The following ERV3-1 variants were observed in gnomAD, a reference collection of about 807,000 sequenced individuals.
ERV3-1 encodes the protein endogenous retrovirus group 3 member 1, envelope, also known as endogenous retrovirus group 3 member 1 Env polyprotein.
ERV3-1 carries 36 observed loss-of-function variants against 24.6 expected under a neutral mutation model. The observed-to-expected ratio is 1.47, with a 90% CI of 1.12 to 1.94. The LOEUF (loss-of-function observed/expected upper bound fraction) is 1.94, where lower values mean the gene tolerates loss of function less well. ERV3-1 is among the 30% of genes most tolerant of loss of function. The pLI is 0.00. For missense variants in ERV3-1, 578 were observed against 330.9 expected, an observed-to-expected ratio of 1.75 and a Z score of -5.79; for synonymous variants, 211 against 122.6, an observed-to-expected ratio of 1.72 and a Z score of -4.76.
At position 64,992,900 on chromosome 7, in the gene ERV3-1, T is replaced by C. The variant is rs1786312003; in HGVS notation, c.127A>G (p.Lys43Glu). Reference protein sequence around the residue: ...HTTWSGNIMTKTLLYHTYYEC... With the variant: ...HTTWSGNIMTETLLYHTYYEC... ...TAATAAGTGTGATACAACAGGGTTT[T>C]AGTCATGATGTTCCCCGACCACGTA... is the stretch of plus-strand genomic sequence containing the variant. Residue 43 changes from lysine (K) to glutamate (E), a missense_variant, in exon 2 of 2, where the codon AAA (lysine) becomes GAA (glutamate). By Grantham distance (56) the Lys-to-Glu change is moderately conservative. Transcript: ENST00000394323. 1 of 766,282 alleles carries C rather than the reference T, an allele frequency of 1.3e-6. No individual in the cohort carries two copies. Among genetic ancestry groups the C allele is most frequent in the Non-Finnish European group, 2.4e-6 (1 of 417,916 alleles). 47.5% of individuals were successfully genotyped at this position (766,282 alleles called of 1,614,324 possible). A position where few individuals can be genotyped will look rare whatever the true frequency, so the allele number is the denominator to read the frequency against.
intron 1 of ERV3-1, among the ~76,000 whole-genome samples, chr7:65,001,924 T>C (rs1342103644): frequency 6.6e-6 from 1 of 152,180 alleles, no homozygotes; most frequent in Non-Finnish European, 1.5e-5. Flanking sequence ...CCATCTATGC[T>C]TTTGAGCTAC....
rs1224526094 is a variant in ERV3-1 at position 64,990,477 on chromosome 7, G to C, written c.*735C>G. 1.1e-5 allele frequency: 2 copies of C among 180,270 alleles called. No individual in the cohort carries two copies. Among genetic ancestry groups the C allele is most frequent in the Non-Finnish European group, 2.3e-5 (2 of 85,814 alleles). 11.2% of individuals were successfully genotyped at this position (180,270 alleles called of 1,614,324 possible). ...ACATGCATCAGGCAGGGGCAAGTCG[G>C]GTTTTTGGCGCAAAACCTGCGAGGT... On this transcript the variant is annotated 3_prime_UTR_variant, in exon 2 of 2. Transcript: ENST00000394323.
At position 64,991,652 on chromosome 7, in the gene ERV3-1, A is replaced by G. The variant is rs758450516; in HGVS notation, c.1375T>C (p.Tyr459His). 3 of 708,670 alleles carry G rather than the reference A, an allele frequency of 4.2e-6. No individual in the cohort carries two copies. The South Asian group carries it at 4.4e-5, about 10-fold the overall frequency. 43.9% of individuals were successfully genotyped at this position (708,670 alleles called of 1,614,324 possible). Reference sequence around the variant, plus strand: ...CTTTTAGTTTCATCATAGATGGGGTATCCTAAGGCTTCTCCCTGTTTTAGG... The same window carrying G: ...CTTTTAGTTTCATCATAGATGGGGTGTCCTAAGGCTTCTCCCTGTTTTAGG... The part of the protein sequence containing the change: ...MPLKQGEALG[Y>H]PIYDETKRKS... The change falls in exon 2 of 2, where the codon TAC (tyrosine) becomes CAC (histidine). Residue 459 changes from tyrosine to histidine, a missense_variant. By Grantham distance (83) the Tyr-to-His change is moderately conservative. Transcript: ENST00000394323.
rs767897744 is a variant in ERV3-1 at position 64,992,532 on chromosome 7, G to A, written c.495C>T (p.Cys165=). The change falls in exon 2 of 2, where the codon TGC becomes TGT. Residue 165 remains cysteine (C), a synonymous_variant. Coordinates refer to ENST00000394323, the MANE Select transcript of ERV3-1 (RefSeq NM_001007253.4). ...ACSTDSPVTT[C]WDCTTWSTNQ... ...TAGTGGACCACGTTGTGCAGTCCCA[G>A]CAAGTTGTTACTGGGGAATCGGTGG... 6.5e-6 allele frequency: 5 copies of A among 766,388 alleles called. No homozygotes were observed. Among genetic ancestry groups the A allele is most frequent in the Non-Finnish European group, 1.2e-5 (5 of 417,914 alleles). The allele number at this position is 766,388 out of a possible 1,614,324, so 47.5% of individuals were successfully genotyped here.
intron 1 of ERV3-1, among the ~76,000 whole-genome samples, chr7:65,003,028 T>TC (rs1490739058): frequency 1.3e-5 from 2 of 152,214 alleles, no homozygotes; most frequent in Non-Finnish European, 2.9e-5. Flanking sequence ...AGTAAGACCC[T>TC]CCCAGTCCCA....
At chr7:65,001,823 A>AC (rs1229731135) in intron 1 of ERV3-1, among the ~76,000 whole-genome samples, 1 of 152,092 alleles carries the variant, frequency 6.6e-6, no homozygotes, top group South Asian at 2.1e-4. Context: ...TTGAATTATG[A>AC]CCCCACTTAA....
intron 1 of ERV3-1, among the ~76,000 whole-genome samples, chr7:64,998,941 T>C (rs112296446): frequency 0.014 from 2,088 of 152,268 alleles, 39 homozygotes; most frequent in African/African-American, 0.047. Flanking sequence ...ACTTCCAGTT[T>C]CCTTTCTTAA....
chr7:65,001,042 G>A (rs1213684293), intron 1 of ERV3-1, among the ~76,000 whole-genome samples: 3 of 152,162 alleles, frequency 2.0e-5, no homozygotes, highest in Non-Finnish European at 4.4e-5. Flanking sequence ...AGTTTAGGGT[G>A]GAGGGTGAAA....
chr7:64,992,128 A>G lies in ERV3-1; in HGVS notation c.899T>C (p.Met300Thr), dbSNP rs1459293825. The G allele has an allele frequency of 1.3e-6, 1 of 766,362 alleles. No individual in the cohort carries two copies. The highest frequency in any genetic ancestry group is 2.4e-6 in the Non-Finnish European group (1 of 417,906). The allele number at this position is 766,362 out of a possible 1,614,324, so 47.5% of individuals were successfully genotyped here. A position where few individuals can be genotyped will look rare whatever the true frequency, so the allele number is the denominator to read the frequency against. Residue 300 changes from methionine to threonine, a missense_variant, in exon 2 of 2, where the codon ATG (methionine) becomes ACG (threonine). By Grantham distance (81) the Met-to-Thr change is moderately conservative. Transcript: ENST00000394323. ...ASCYVCGGMN[M>T]GDQWPWEARE... ...TGCTTCCCATGGCCATTGGTCTCCC[A>G]TGTTCATTCCCCCACAGACATAACA...
In ERV3-1 at chr7:64,992,980, G is replaced by A. The variant is rs2129122488; in HGVS notation, c.47C>T (p.Pro16Leu). Reference protein sequence around the residue: ...MLLITLFLLLPLSMLKGEPWE... With the variant: ...MLLITLFLLLLLSMLKGEPWE... ...GGGTTCTCCTTTTAACATGGATAAG[G>A]GGAGTAGCAAGAACAAAGTGATGAG... Residue 16 changes from proline (P) to leucine (L), a missense_variant, in exon 2 of 2, where the codon CCC becomes CTC. Pro to Leu is a moderately conservative substitution (Grantham distance 98). Transcript: ENST00000394323. 1.3e-6 allele frequency: 1 copy of A among 765,850 alleles called. No homozygotes were observed. Among genetic ancestry groups the A allele is most frequent in the Non-Finnish European group, 2.4e-6 (1 of 417,524 alleles). 47.4% of individuals were successfully genotyped at this position (765,850 alleles called of 1,614,324 possible).
At position 65,006,612 on chromosome 7, in the gene ERV3-1, C is replaced by A; in HGVS notation, c.-460G>T. 1 of 1,559,936 alleles carries A rather than the reference C, an allele frequency of 6.4e-7. No individual in the cohort carries two copies. The highest frequency in any genetic ancestry group is 1.7e-5 in the Admixed American group (1 of 59,670). ...CCAATACCTGCAGGTAACGAGGCCA[C>A]AGAAGCTGGGCCTCTAGGAGCAGAA... is the stretch of plus-strand genomic sequence containing the variant. On this transcript the variant is annotated 5_prime_UTR_variant, in exon 1 of 2. Transcript: ENST00000394323.
chr7:65,006,426 G>T (rs1024964624), intron 1 of ERV3-1, 115 bp downstream of exon 1: 2 of 1,480,514 alleles, frequency 1.4e-6, no homozygotes, highest in Non-Finnish European at 1.9e-6. Context: ...GGAGAACTCG[G>T]GGCCGCGGAT....
chr7:64,992,042 A>G lies in ERV3-1; in HGVS notation c.985T>C (p.Ser329Pro), dbSNP rs1277452668. 3.9e-6 allele frequency: 3 copies of G among 766,402 alleles called. No individual in the cohort carries two copies. Among genetic ancestry groups the G allele is most frequent in the Non-Finnish European group, 2.4e-6 (1 of 417,910 alleles). 47.5% of individuals were successfully genotyped at this position (766,402 alleles called of 1,614,324 possible). ...TTTAAGAACCAGATGCTCTGACTTG[A>G]TGGTGCAGGTTCGAGGGAAGAGGCG... ...LTASSLEPAP[S>P]SQSIWFLKTS... The change falls in exon 2 of 2, where the codon TCA (serine) becomes CCA (proline). Residue 329 changes from serine (S) to proline (P), a missense_variant. Coordinates refer to ENST00000394323, the MANE Select transcript of ERV3-1 (RefSeq NM_001007253.4).
At chr7:64,995,773 G>A (rs1043146039) in intron 1 of ERV3-1, among the ~76,000 whole-genome samples, 2 of 152,238 alleles carry the variant, frequency 1.3e-5, no homozygotes, top group African/African-American at 4.8e-5. Context: ...AAGAGATGGA[G>A]GAGGTCCTGG....
At chr7:65,004,373 A>C (rs1786592085) in intron 1 of ERV3-1, 1 of 152,238 alleles carries the variant, frequency 6.6e-6, no homozygotes, top group African/African-American at 2.4e-5. Flanking sequence ...AAAACAAAAC[A>C]AAACAAAAAC....
At chr7:65,004,868 A>ATTTTTTTTTT (rs56371820) in intron 1 of ERV3-1, 1 of 107,788 alleles carries the variant, frequency 9.3e-6, no homozygotes, top group Non-Finnish European at 1.9e-5. Context: ...GCCAGGTTTG[A>ATTTTTTTTTT]TTTTTTTTTT....
rs932469573 is a variant in ERV3-1 at position 64,990,568 on chromosome 7, G to A, written c.*644C>T. The A allele has an allele frequency of 4.6e-5, 7 of 152,506 alleles. No homozygotes were observed. The highest frequency in any genetic ancestry group is 1.7e-4 in the African/African-American group (7 of 41,454). 9.4% of individuals were successfully genotyped at this position (152,506 alleles called of 1,614,324 possible). A position where few individuals can be genotyped will look rare whatever the true frequency, so the allele number is the denominator to read the frequency against. ...CATACCGTGACAGGTTTTACAACAG[G>A]ATTTGCAACATGAGCCTACCTTACT... On this transcript the variant is annotated 3_prime_UTR_variant, in exon 2 of 2. Coordinates refer to ENST00000394323, the MANE Select transcript of ERV3-1 (RefSeq NM_001007253.4).
intron 1 of ERV3-1, 105 bp downstream of exon 1, chr7:65,006,436 T>C (rs1487399371): frequency 1.3e-6 from 2 of 1,503,550 alleles, no homozygotes; most frequent in Admixed American, 1.7e-5. Flanking sequence ...GGGCCGCGGA[T>C]TTTGGAGCCA....
chr7:64,993,634 C>T (rs1786336311), intron 1 of ERV3-1, among the ~76,000 whole-genome samples: 1 of 152,162 alleles, frequency 6.6e-6, no homozygotes, highest in African/African-American at 2.4e-5. Context: ...GTTAATTCCC[C>T]TAGTTCACGG....
Sources: gnomAD v4.1 joint callset for allele counts (sites outside exome capture counted in the v4.1 genomes callset) on GRCh38, gnomAD v4.1.1 for gene constraint, MANE v1.5 for transcripts, NCBI Gene and HGNC (gene_info 2026-07-23, HGNC 2026-07-21) for gene names.